The following NTM variants were observed in gnomAD, a reference collection of about 807,000 sequenced individuals.
NTM encodes IgLON family member 2.
A neutral mutation model predicts 42.1 loss-of-function variants in NTM; 13 were observed. The ratio of observed to expected loss-of-function variants is 0.31; its 90% CI spans 0.20 to 0.49. The LOEUF is 0.49. Ranked by LOEUF, NTM falls within the 20% of genes least tolerant of loss-of-function variation. The pLI is 0.99. For synonymous variants in NTM, 187 were observed against 179.2 expected, an observed-to-expected ratio of 1.04 and a Z score of -0.35; for missense variants, 373 against 452.8, an observed-to-expected ratio of 0.82 and a Z score of 1.60.
intron 4 of NTM, among the ~76,000 whole-genome samples, chr11:132,261,388 TGCACCTGGGGG>T (rs1407767543): frequency 6.6e-6 from 1 of 152,086 alleles, no homozygotes; most frequent in African/African-American, 2.4e-5. Flanking sequence ...CAGTTATGAG[TGCACCTGGGGG>T]GCACAGACGC....
At chr11:132,078,511 A>C (rs895254667) in intron 2 of NTM, among the ~76,000 whole-genome samples, 1 of 152,228 alleles carries the variant, frequency 6.6e-6, no homozygotes, top group African/African-American at 2.4e-5. Flanking sequence ...ATTAGCAATT[A>C]GCCGTTAAGG....
intron 7 of NTM, among the ~76,000 whole-genome samples, chr11:132,318,652 G>A (rs1286424861): frequency 6.6e-6 from 1 of 152,190 alleles, no homozygotes; most frequent in African/African-American, 2.4e-5. Context: ...GGTGCCGCGT[G>A]CACTGCTGTC....
At chr11:131,557,329 C>G (rs569097638) in intron 1 of NTM, among the ~76,000 whole-genome samples, 1 of 152,220 alleles carries the variant, frequency 6.6e-6, no homozygotes, top group South Asian at 2.1e-4. Context: ...GCCTTCACCT[C>G]CACCTGATCA....
intron 1 of NTM, among the ~76,000 whole-genome samples, chr11:131,635,690 TATTA>T (rs2064281124): frequency 1.3e-5 from 2 of 152,182 alleles, no homozygotes; most frequent in South Asian, 4.1e-4. Flanking sequence ...TTAGTGTATT[TATTA>T]ATTTAGTGTA....
chr11:131,731,993 C>T (rs1216399706), intron 1 of NTM, among the ~76,000 whole-genome samples: 3 of 152,138 alleles, frequency 2.0e-5, no homozygotes, highest in Non-Finnish European at 4.4e-5. Flanking sequence ...GAGGCAGGAG[C>T]TTTCAAATTC....
At position 131,903,407 on chromosome 11, in the gene NTM, C is replaced by T. The variant is rs144032846; in HGVS notation, c.83-8157C>T. On this transcript the variant is annotated intron_variant, in intron 1 of 8. Transcript: ENST00000683400. ...ATAAATGCCAGTTAAATATTAACAG[C>T]GTATTTATTGAAGATTAACATTGCT... is the stretch of plus-strand genomic sequence containing the variant. Among the ~76,000 whole-genome samples the T allele has an allele frequency of 1.4e-3, 220 of 152,280 alleles. 1 individual carries two copies. Among genetic ancestry groups the T allele is most frequent in the African/African-American group, 4.5e-3 (189 of 41,556 alleles).
chr11:131,761,243 T>C (rs2084125984), intron 1 of NTM, among the ~76,000 whole-genome samples: 1 of 152,168 alleles, frequency 6.6e-6, no homozygotes, highest in South Asian at 2.1e-4. Context: ...CAGTTCAGTG[T>C]AGTAGGCTTA....
intron 1 of NTM, among the ~76,000 whole-genome samples, chr11:131,612,920 T>C (rs903260612): frequency 6.6e-6 from 1 of 152,092 alleles, no homozygotes; most frequent in Non-Finnish European, 1.5e-5. Context: ...GAGCTGGCAG[T>C]TTTGTAATAG....
At chr11:131,414,851 A>T (rs2135781266) in intron 1 of NTM, among the ~76,000 whole-genome samples, 1 of 152,248 alleles carries the variant, frequency 6.6e-6, no homozygotes, top group Non-Finnish European at 1.5e-5. Context: ...AGAAGCTTGC[A>T]TGTTAGTCCT....
intron 1 of NTM, chr11:131,662,000 A>G (rs190335977): frequency 6.6e-6 from 1 of 152,222 alleles, no homozygotes; most frequent in Non-Finnish European, 1.5e-5. Context: ...GGGTTAACAG[A>G]AAGGGGAAAA....
chr11:131,950,411 T>G (rs1053612912), intron 2 of NTM, among the ~76,000 whole-genome samples: 1 of 152,218 alleles, frequency 6.6e-6, no homozygotes, highest in African/African-American at 2.4e-5. Context: ...GTCCTCTTGC[T>G]TCTGCCAAGC....
At chr11:132,122,052 G>T (rs1464287480) in intron 2 of NTM, among the ~76,000 whole-genome samples, 1 of 152,160 alleles carries the variant, frequency 6.6e-6, no homozygotes, top group Non-Finnish European at 1.5e-5. Flanking sequence ...CACCTAAACT[G>T]CCTATTAATT....
chr11:132,175,305 G>A (rs992178208), intron 3 of NTM, among the ~76,000 whole-genome samples: 5 of 151,922 alleles, frequency 3.3e-5, no homozygotes, highest in African/African-American at 1.2e-4. Context: ...GTCACCTCAT[G>A]GTCCACCCAC....
rs1446140264 is a variant in NTM at position 131,878,590 on chromosome 11, AAAAAATATATATATATATATATATAT to A, written c.83-32972_83-32947del. On this transcript the variant is annotated intron_variant, in intron 1 of 8. Coordinates refer to ENST00000683400, the MANE Select transcript of NTM (RefSeq NM_001352005.2). ...ATCTCAAAAAAAAAAAAAAAAAAAA[AAAAAATATATATATATATATATATAT>A]ATATATATATATATATATATATATA... Among the ~76,000 whole-genome samples the A allele has an allele frequency of 3.5e-3, 109 of 31,460 alleles. 10 individuals are homozygous for A. Among genetic ancestry groups the A allele is most frequent in the African/African-American group, 8.2e-3 (74 of 9,046 alleles). 20.6% of individuals were successfully genotyped at this position (31,460 alleles called of 152,430 possible). A position where few individuals can be genotyped will look rare whatever the true frequency, so the allele number is the denominator to read the frequency against.
At chr11:132,203,196 G>A (rs537516547) in intron 3 of NTM, among the ~76,000 whole-genome samples, 8 of 152,282 alleles carry the variant, frequency 5.3e-5, no homozygotes, top group Admixed American at 2.6e-4. Flanking sequence ...TCAGCAGGGC[G>A]TGTGGTGCAT....
intron 1 of NTM, among the ~76,000 whole-genome samples, chr11:131,452,658 T>C (rs1040139037): frequency 3.9e-5 from 6 of 152,342 alleles, no homozygotes; most frequent in Admixed American, 2.6e-4. Context: ...ATGAAGACAC[T>C]GAGGCTGAAG....
intron 7 of NTM, among the ~76,000 whole-genome samples, chr11:132,322,729 C>T (rs2095598317): frequency 7.3e-6 from 1 of 137,528 alleles, no homozygotes; most frequent in African/African-American, 2.7e-5. Flanking sequence ...AATATACATT[C>T]TTTTCAGCAC....
intron 2 of NTM, among the ~76,000 whole-genome samples, chr11:132,103,811 A>G (rs1255739671): frequency 1.3e-5 from 2 of 152,100 alleles, no homozygotes; most frequent in Admixed American, 6.5e-5. Flanking sequence ...CCCAGGCTGG[A>G]GGGTTAAATG....
At chr11:131,541,967 G>A (rs2053322446) in intron 1 of NTM, among the ~76,000 whole-genome samples, 1 of 152,018 alleles carries the variant, frequency 6.6e-6, no homozygotes, top group South Asian at 2.1e-4. Flanking sequence ...GTTCTTCTTG[G>A]TGAACATCAG....
Sources: gnomAD v4.1 joint callset for allele counts (sites outside exome capture counted in the v4.1 genomes callset) on GRCh38, gnomAD v4.1.1 for gene constraint, MANE v1.5 for transcripts, NCBI Gene and HGNC (gene_info 2026-07-23, HGNC 2026-07-21) for gene names.